The following MVB12A variants were observed in gnomAD, a reference collection of about 807,000 sequenced individuals.
MVB12A encodes CIN85/CD2AP family binding protein.
A neutral mutation model predicts 34.3 loss-of-function variants in MVB12A; 30 were observed. That is an observed-to-expected ratio of 0.88 (90% CI 0.65 to 1.19). The LOEUF (loss-of-function observed/expected upper bound fraction) is 1.19. Ranked by LOEUF, MVB12A falls within the 50% of genes most tolerant of loss-of-function variation. MVB12A has a pLI of 0.00. For missense variants in MVB12A, 355 were observed against 369.2 expected, an observed-to-expected ratio of 0.96 and a Z score of 0.31; for synonymous variants, 158 against 158.9, an observed-to-expected ratio of 0.99 and a Z score of 0.04.
chr19:17,423,098 G>A lies in MVB12A; in HGVS notation c.414-400G>A, dbSNP rs369106242. 541 of 157,238 alleles carry A rather than the reference G, an allele frequency of 3.4e-3. 19 individuals are homozygous for A. In the South Asian group the frequency reaches 0.091, roughly 26 times the overall value. 9.7% of individuals were successfully genotyped at this position (157,238 alleles called of 1,614,324 possible). A position where few individuals can be genotyped will look rare whatever the true frequency, so the allele number is the denominator to read the frequency against. Reference sequence around the variant, plus strand: ...CTGGGCACGGTGGCTCACGCCTGTAGTCCCAGCACTTTGGAAGGCCAAGGC... The same window carrying A: ...CTGGGCACGGTGGCTCACGCCTGTAATCCCAGCACTTTGGAAGGCCAAGGC... On this transcript the variant is annotated intron_variant, in intron 4 of 8. Coordinates refer to ENST00000317040, the MANE Select transcript of MVB12A (RefSeq NM_138401.4).
chr19:17,410,474 T>C (rs1352204518), intron 2 of MVB12A, among the ~76,000 whole-genome samples: 2 of 137,436 alleles, frequency 1.5e-5, no homozygotes, highest in Admixed American at 7.7e-5. Flanking sequence ...ACCCAGCCGC[T>C]AGCATTCTTT....
Position 17,422,460 on chromosome 19 carries a change from T to C in MVB12A, c.413+2T>C. 6.2e-7 allele frequency: 1 copy of C among 1,607,780 alleles called. No individual in the cohort carries two copies. On this transcript the variant is annotated splice_donor_variant, in intron 4 of 8. Coordinates refer to ENST00000317040, the MANE Select transcript of MVB12A (RefSeq NM_138401.4). LOFTEE classifies it high-confidence loss of function. ...AGTGCCTGGATACCTTCGAATAGGG[T>C]AGGGCCACCCCCCAGTGTCTAGCCA...
chr19:17,410,497 CATATATATATATATAT>C lies in MVB12A; in HGVS notation c.-5+4219_-5+4234del, dbSNP rs373127253. ...GCTAGCATTCTTTTGGTTTTAGCTT[CATATATATATATATAT>C]ATATATATATATATATACACACACA... On this transcript the variant is annotated intron_variant, in intron 2 of 6. Transcript: ENST00000528604. Among the ~76,000 whole-genome samples the C allele has an allele frequency of 2.3e-4, 18 of 77,590 alleles. 1 individual carries two copies. Among genetic ancestry groups the C allele is most frequent in the Admixed American group, 6.2e-4 (4 of 6,410 alleles). The allele number at this position is 77,590 out of a possible 152,430, so 50.9% of individuals were successfully genotyped here.
Position 17,424,490 on chromosome 19 carries a change from A to G in MVB12A, c.703-131A>G, listed in dbSNP as rs73517941. ...TAAAAACAAAACAAAACAAACAAGA[A>G]AAATAAGGGGGAGGGATGTCCGAGG... On this transcript the variant is annotated intron_variant, in intron 7 of 8. Coordinates refer to ENST00000317040, the MANE Select transcript of MVB12A (RefSeq NM_138401.4). The G allele has an allele frequency of 2.0e-3, 1,941 of 980,364 alleles. 24 individuals are homozygous for G. The African/African-American group carries it at 0.029, about 15-fold the overall frequency. 60.7% of individuals were successfully genotyped at this position (980,364 alleles called of 1,614,324 possible).
rs369154468 is a variant in MVB12A at position 17,420,296 on chromosome 19, C to A, written c.91-17C>A. ...TGTGGGGTGGGAGTCCGGCGCTGAC[C>A]CGCGTCCTCCCGGTAGATCTCCTGC... On this transcript the variant is annotated splice_polypyrimidine_tract_variant and intron_variant, in intron 1 of 8. Coordinates refer to ENST00000317040, the MANE Select transcript of MVB12A (RefSeq NM_138401.4). 88 of 1,579,740 alleles carry A rather than the reference C, an allele frequency of 5.6e-5. No homozygotes were observed. The highest frequency in any genetic ancestry group is 7.3e-5 in the Non-Finnish European group (85 of 1,162,454).
chr19:17,421,062 C>A (rs1291686626), intron 3 of MVB12A: 1 of 463,092 alleles, frequency 2.2e-6, no homozygotes, highest in Middle Eastern at 3.2e-4. Context: ...TTCCCTACCC[C>A]TCCTCTTCTG....
upstream of MVB12A, chr19:17,417,282 T>C (rs1369576471): frequency 1.4e-5 from 3 of 210,772 alleles, no homozygotes; most frequent in East Asian, 3.7e-4. Flanking sequence ...GATTTGATCT[T>C]GGGGTGGAAT....
In MVB12A at chr19:17,425,170, G is replaced by A. The variant is rs2145765810; in HGVS notation, c.*177G>A. On this transcript the variant is annotated 3_prime_UTR_variant, in exon 9 of 9. Coordinates refer to ENST00000317040, the MANE Select transcript of MVB12A (RefSeq NM_138401.4). The stretch of plus-strand genomic sequence containing the variant: ...GAGCTGCAGCCCTGGAGGAGGGGGC[G>A]GGTCGAGGCTGCGTGGTGATGGGGT... 1 of 557,386 alleles carries A rather than the reference G, an allele frequency of 1.8e-6. No individual in the cohort carries two copies. Among genetic ancestry groups the A allele is most frequent in the East Asian group, 3.2e-5 (1 of 31,304 alleles). 34.5% of individuals were successfully genotyped at this position (557,386 alleles called of 1,614,324 possible).
Position 17,423,758 on chromosome 19 carries a change from A to G in MVB12A, c.599A>G (p.Asn200Ser), listed in dbSNP as rs1314044059. Residue 200 changes from asparagine (N) to serine (S), a missense_variant, in exon 6 of 9, where the codon AAT (asparagine) becomes AGT (serine). Asn to Ser is a conservative substitution (Grantham distance 46). Transcript: ENST00000317040. Reference sequence around the variant, plus strand: ...TCTCGGGCATCCACTCTGCGGAGGAATGACTCCATCTACGAGGCCTCCAGC... The same window carrying G: ...TCTCGGGCATCCACTCTGCGGAGGAGTGACTCCATCTACGAGGCCTCCAGC... ...LGSRASTLRR[N>S]DSIYEASSLY... 1.2e-6 allele frequency: 2 copies of G among 1,613,894 alleles called. No individual in the cohort carries two copies. Among genetic ancestry groups the G allele is most frequent in the Non-Finnish European group, 1.7e-6 (2 of 1,179,938 alleles).
At chr19:17,413,650 C>A (rs918866174) in intron 2 of MVB12A, among the ~76,000 whole-genome samples, 16 of 152,086 alleles carry the variant, frequency 1.1e-4, no homozygotes, top group African/African-American at 3.9e-4. Context: ...ATCAAGGATG[C>A]AGTGAGCCAT....
At position 17,423,416 on chromosome 19, in the gene MVB12A, GT is replaced by G. The variant is rs559312850; in HGVS notation, c.414-81del. The G allele has an allele frequency of 1.3e-4, 200 of 1,498,132 alleles. No individual in the cohort carries two copies. In the African/African-American group the frequency reaches 2.7e-3, roughly 20 times the overall value. The allele number at this position is 1,498,132 out of a possible 1,614,324, so 92.8% of individuals were successfully genotyped here. On this transcript the variant is annotated intron_variant, in intron 4 of 8. Transcript: ENST00000317040. ...AGACAGAGGTCACCTGCATGCCCGG[GT>G]CCCCCGCCTTCTCCAGGGGCTATCC...
At chr19:17,406,221 C>G (rs1000937391) in exon 2 of MVB12A, 1 of 152,176 alleles carries the variant, frequency 6.6e-6, no homozygotes, top group Non-Finnish European at 1.5e-5. Context: ...CAAACAATGT[C>G]GGTCTCTGTC....
At chr19:17,417,685 C>T (rs115071647), upstream of MVB12A, 1,282 of 154,944 alleles carry the variant, frequency 8.3e-3, 18 homozygotes, top group African/African-American at 0.029. Flanking sequence ...AGAGTCCAGA[C>T]GGTGGCCTTT....
At chr19:17,409,814 C>T (rs1428392085) in intron 2 of MVB12A, among the ~76,000 whole-genome samples, 1 of 151,326 alleles carries the variant, frequency 6.6e-6, no homozygotes, top group Non-Finnish European at 1.5e-5. Flanking sequence ...TGCATTGGCA[C>T]GATCTCGTCT....
Position 17,420,445 on chromosome 19 carries a change from C to T in MVB12A, c.189+34C>T, listed in dbSNP as rs758447661. The stretch of plus-strand genomic sequence containing the variant: ...TGCCCACCTTCGGAACCACCAGGGT[C>T]TGCCCACCTCCCCTGCCCATTCACG... On this transcript the variant is annotated intron_variant, in intron 2 of 8. Transcript: ENST00000317040. 3 of 1,605,152 alleles carry T rather than the reference C, an allele frequency of 1.9e-6. No individual in the cohort carries two copies. In the South Asian group the frequency reaches 3.3e-5, roughly 18 times the overall value.
At chr19:17,411,554 CACTATGTTG>C (rs2074769568) in intron 2 of MVB12A, among the ~76,000 whole-genome samples, 1 of 151,656 alleles carries the variant, frequency 6.6e-6, no homozygotes, top group Non-Finnish European at 1.5e-5. Flanking sequence ...GATGGGGTCT[CACTATGTTG>C]ACCAGGCTTT....
rs1250716115 is a variant in MVB12A, at chr19:17,423,566, G to T, written c.482G>T (p.Gly161Val). ...CCGAGGCCAGTGCCCAAGCCCCGAG[G>T]TCTCAGCCGGGACATGCAGGGCCTC... ...KAPRPVPKPRGLSRDMQGLSL... is the reference protein window; with the variant it reads ...KAPRPVPKPRVLSRDMQGLSL... Residue 161 changes from glycine to valine, a missense_variant, in exon 5 of 9, where the codon GGT becomes GTT. Coordinates refer to ENST00000317040, the MANE Select transcript of MVB12A (RefSeq NM_138401.4). The T allele has an allele frequency of 1.1e-5, 18 of 1,614,006 alleles. No individual in the cohort carries two copies. The highest frequency in any genetic ancestry group is 4.5e-5 in the East Asian group (2 of 44,894).
chr19:17,413,029 G>T (rs1207754947), intron 2 of MVB12A: 2 of 151,682 alleles, frequency 1.3e-5, no homozygotes, highest in African/African-American at 4.8e-5. Flanking sequence ...AAGAATTTAC[G>T]TATGAACAAT....
intron 8 of MVB12A, 48 bp downstream of exon 8, chr19:17,424,725 T>A: frequency 6.4e-7 from 1 of 1,559,022 alleles, no homozygotes; most frequent in Non-Finnish European, 8.7e-7. Context: ...AGGGAGGAGG[T>A]GCCTGAGGGG....
Sources: gnomAD v4.1 joint callset for allele counts (sites outside exome capture counted in the v4.1 genomes callset) on GRCh38, gnomAD v4.1.1 for gene constraint, MANE v1.5 for transcripts, NCBI Gene and HGNC (gene_info 2026-07-23, HGNC 2026-07-21) for gene names.